CA10: variants seen among roughly 807,000 people sequenced by gnomAD.
CA10 encodes the protein carbonic anhydrase-related protein 10.
In CA10, 14 loss-of-function variants were observed where a neutral mutation model predicts 44.2. The ratio of observed to expected loss-of-function variants is 0.32; its 90% CI spans 0.21 to 0.50. The LOEUF (loss-of-function observed/expected upper bound fraction) is 0.50. Among genes scored for constraint, CA10 ranks in the 20% least tolerant of loss-of-function variants. The pLI, the probability that CA10 is intolerant of heterozygous loss-of-function variation, is 0.99. For missense variants in CA10, 350 were observed against 409.7 expected (o/e 0.85, Z 1.26); for synonymous variants, 159 against 141.6 (o/e 1.12, Z -0.87).
chr17:51,817,106 G>C (rs1042671082), intron 3 of CA10, among the ~76,000 whole-genome samples: 1 of 152,202 alleles, frequency 6.6e-6, no homozygotes, highest in Non-Finnish European at 1.5e-5. Flanking sequence ...CTCTTAGAAA[G>C]AATCTTATCC....
chr17:52,150,795 T>C (rs996129297), intron 1 of CA10, among the ~76,000 whole-genome samples: 2 of 152,190 alleles, frequency 1.3e-5, no homozygotes, highest in Non-Finnish European at 2.9e-5. Flanking sequence ...TCATTTCTCT[T>C]AGCCTTCATC....
At chr17:52,142,332 A>G (rs575481765) in intron 1 of CA10, among the ~76,000 whole-genome samples, 74 of 152,174 alleles carry the variant, frequency 4.9e-4, no homozygotes, top group Non-Finnish European at 1.0e-3. Flanking sequence ...AGCTAACTCA[A>G]ATAGTCTTCC....
At chr17:52,055,288 A>G (rs1308992445) in intron 2 of CA10, among the ~76,000 whole-genome samples, 1 of 151,924 alleles carries the variant, frequency 6.6e-6, no homozygotes, top group Admixed American at 6.6e-5. Flanking sequence ...GGTGAAGACA[A>G]ACCTTTTATT....
intron 3 of CA10, among the ~76,000 whole-genome samples, chr17:51,911,725 AGAATTTT>A (rs2143951829): frequency 6.6e-6 from 1 of 152,352 alleles, no homozygotes; most frequent in South Asian, 2.1e-4. Flanking sequence ...CAGAATCTGT[AGAATTTT>A]GAATTATCTA....
At chr17:51,762,793 C>T (rs1905251557) in intron 3 of CA10, 1 of 152,170 alleles carries the variant, frequency 6.6e-6, no homozygotes, top group Admixed American at 6.5e-5. Flanking sequence ...AATTTGAATG[C>T]ACATCTGTCC....
At chr17:51,995,491 C>T (rs1985202423) in intron 2 of CA10, among the ~76,000 whole-genome samples, 1 of 152,006 alleles carries the variant, frequency 6.6e-6, no homozygotes, top group Non-Finnish European at 1.5e-5. Flanking sequence ...AGACATCATT[C>T]AACCATTGAG....
chr17:52,003,053 T>C (rs1985481301), intron 2 of CA10, among the ~76,000 whole-genome samples: 1 of 151,970 alleles, frequency 6.6e-6, no homozygotes, highest in South Asian at 2.1e-4. Context: ...TCCAAGTCTC[T>C]TGTTCTTTCT....
intron 3 of CA10, among the ~76,000 whole-genome samples, chr17:51,750,119 C>T (rs1904841528): frequency 1.3e-5 from 2 of 152,196 alleles, no homozygotes; most frequent in African/African-American, 4.8e-5. Context: ...ACGTGACTTC[C>T]ATCTCTAAAT....
At chr17:52,048,685 A>G (rs1010117043) in intron 2 of CA10, among the ~76,000 whole-genome samples, 3 of 151,950 alleles carry the variant, frequency 2.0e-5, no homozygotes, top group Non-Finnish European at 4.4e-5. Flanking sequence ...ATATGCTGAG[A>G]GGCATGACAA....
chr17:52,055,359 AAAAC>A (rs1987198728), intron 2 of CA10, among the ~76,000 whole-genome samples: 1 of 151,854 alleles, frequency 6.6e-6, no homozygotes, highest in African/African-American at 2.4e-5. Flanking sequence ...AAAAAAAAAA[AAAAC>A]AAAGCAAAAC....
intron 2 of CA10, among the ~76,000 whole-genome samples, chr17:51,981,595 A>G (rs1371158116): frequency 6.6e-6 from 1 of 152,030 alleles, no homozygotes; most frequent in African/African-American, 2.4e-5. Context: ...GGTGTATTAC[A>G]TAGACATTTA....
chr17:51,637,771 A>C (rs1912897631), intron 6 of CA10, among the ~76,000 whole-genome samples: 1 of 152,198 alleles, frequency 6.6e-6, no homozygotes, highest in South Asian at 2.1e-4. Context: ...CTAGCTGGTG[A>C]CTGCAAAGTG....
chr17:51,666,661 C>A (rs1023228272), intron 4 of CA10, among the ~76,000 whole-genome samples: 1 of 151,990 alleles, frequency 6.6e-6, no homozygotes, highest in East Asian at 1.9e-4. Flanking sequence ...AATTTAATAA[C>A]CTCTCTCATG....
At chr17:52,001,427 G>C (rs1156275154) in intron 2 of CA10, among the ~76,000 whole-genome samples, 1 of 152,014 alleles carries the variant, frequency 6.6e-6, no homozygotes, top group Non-Finnish European at 1.5e-5. Context: ...GAAGATAGAG[G>C]AGTGAATGAA....
At chr17:51,993,577 C>T (rs1985120149) in intron 2 of CA10, among the ~76,000 whole-genome samples, 1 of 151,998 alleles carries the variant, frequency 6.6e-6, no homozygotes, top group African/African-American at 2.4e-5. Context: ...TTTAAATTCA[C>T]GGTGGAATGT....
rs35152422 is a variant in CA10 at position 51,654,558 on chromosome 17, A to AT, written c.466-823dup. On this transcript the variant is annotated intron_variant, in intron 4 of 8. Coordinates refer to ENST00000451037, the MANE Select transcript of CA10 (RefSeq NM_020178.5). ...TTTTTCTTAACAGTATGGAAGCCTAATTTTTTTTTTTTTTTTAAGTTGGAG... is the reference window on the plus strand; with the variant it reads ...TTTTTCTTAACAGTATGGAAGCCTAATTTTTTTTTTTTTTTTTAAGTTGGAG... 6.5e-3 allele frequency among the ~76,000 whole-genome samples: 938 copies of AT among 145,278 alleles called. 5 individuals are homozygous for AT. Among genetic ancestry groups the AT allele is most frequent in the African/African-American group, 0.019 (743 of 39,270 alleles).
At chr17:51,868,262 G>C (rs1206304592) in intron 3 of CA10, among the ~76,000 whole-genome samples, 1 of 152,146 alleles carries the variant, frequency 6.6e-6, no homozygotes. Context: ...GGAATTTAAA[G>C]GGTTTTACAC....
chr17:51,889,829 C>T (rs1980778041), intron 3 of CA10, among the ~76,000 whole-genome samples: 1 of 152,170 alleles, frequency 6.6e-6, no homozygotes, highest in African/African-American at 2.4e-5. Context: ...AAACAAATGA[C>T]CAAAAGTGTT....
chr17:52,126,492 G>A (rs1463817306), intron 1 of CA10, among the ~76,000 whole-genome samples: 1 of 152,158 alleles, frequency 6.6e-6, no homozygotes, highest in Non-Finnish European at 1.5e-5. Flanking sequence ...CTATCTGCAT[G>A]GTTGGAAAAG....
Sources: allele counts gnomAD v4.1 joint callset (sites outside exome capture counted in the v4.1 genomes callset), GRCh38; gene constraint gnomAD v4.1.1; transcripts MANE v1.5; gene names NCBI Gene and HGNC (gene_info 2026-07-23, HGNC 2026-07-21).